CEP128: variants seen among roughly 807,000 people sequenced by gnomAD.
CEP128 encodes centrosomal protein 128.
Under a neutral mutation model 156.7 loss-of-function variants are expected in CEP128, and 132 were observed. The observed-to-expected ratio is 0.84, with a 90% CI of 0.73 to 0.97. The LOEUF (loss-of-function observed/expected upper bound fraction) is 0.97, where lower values mean the gene tolerates loss of function less well. CEP128 is among the 50% of genes least tolerant of loss of function. CEP128 has a pLI of 0.00. For missense variants in CEP128, 1,252 were observed against 1,281.9 expected, an observed-to-expected ratio of 0.98 and a Z score of 0.36; for synonymous variants, 469 against 448.9, an observed-to-expected ratio of 1.04 and a Z score of -0.57.
At chr14:80,613,261 C>T (rs1468162792) in intron 19 of CEP128, among the ~76,000 whole-genome samples, 1 of 150,492 alleles carries the variant, frequency 6.6e-6, no homozygotes, top group Non-Finnish European at 1.5e-5. Flanking sequence ...ACAACAACTG[C>T]CGTCCGCTCA....
At chr14:80,642,161 T>C (rs1166634249) in intron 19 of CEP128, among the ~76,000 whole-genome samples, 1 of 151,134 alleles carries the variant, frequency 6.6e-6, no homozygotes, top group Non-Finnish European at 1.5e-5. Context: ...TCCATCAGCC[T>C]ACAGACATTT....
intron 19 of CEP128, among the ~76,000 whole-genome samples, chr14:80,720,691 T>A (rs1443345778): frequency 6.6e-6 from 1 of 152,160 alleles, no homozygotes; most frequent in Non-Finnish European, 1.5e-5. Context: ...TCCAAATTCA[T>A]CAGCAGGTGC....
intron 9 of CEP128, among the ~76,000 whole-genome samples, chr14:80,859,063 C>T (rs2140146866): frequency 6.6e-6 from 1 of 151,116 alleles, no homozygotes; most frequent in South Asian, 2.1e-4. Context: ...ACCCAAAGGA[C>T]TATAAATCAT....
intron 9 of CEP128, among the ~76,000 whole-genome samples, chr14:80,853,893 C>G (rs1256741444): frequency 6.6e-6 from 1 of 151,306 alleles, no homozygotes; most frequent in East Asian, 2.0e-4. Flanking sequence ...TGGAAAGAAC[C>G]AATTTTTATT....
chr14:80,659,218 C>A (rs1417435240), intron 19 of CEP128, among the ~76,000 whole-genome samples: 3 of 152,050 alleles, frequency 2.0e-5, no homozygotes, highest in Admixed American at 2.0e-4. Context: ...GAAGAACATT[C>A]TAGAGAGAAA....
intron 18 of CEP128, among the ~76,000 whole-genome samples, chr14:80,749,237 A>C (rs1899263822): frequency 6.6e-6 from 1 of 152,194 alleles, no homozygotes; most frequent in South Asian, 2.1e-4. Context: ...TTTCTCAAAA[A>C]ACTAAAAATA....
At chr14:80,529,065 A>C (rs1028567814) in intron 22 of CEP128, among the ~76,000 whole-genome samples, 1 of 152,250 alleles carries the variant, frequency 6.6e-6, no homozygotes, top group African/African-American at 2.4e-5. Context: ...GCTGTTTTAC[A>C]CAGAATTAGA....
intron 19 of CEP128, among the ~76,000 whole-genome samples, chr14:80,733,169 C>T (rs1300256164): frequency 2.6e-5 from 4 of 152,144 alleles, no homozygotes; most frequent in South Asian, 2.1e-4. Flanking sequence ...CAAACTAGGA[C>T]ATCAATTCTC....
At chr14:80,888,254 G>A (rs59549907) in intron 8 of CEP128, among the ~76,000 whole-genome samples, 3,245 of 152,194 alleles carry the variant, frequency 0.021, 37 homozygotes, top group Middle Eastern at 0.068. Flanking sequence ...ATAGAAAAAA[G>A]GGGGACTCCT....
chr14:80,931,208 A>G (rs1185797966), intron 2 of CEP128, among the ~76,000 whole-genome samples: 1 of 152,242 alleles, frequency 6.6e-6, no homozygotes, highest in East Asian at 1.9e-4. Flanking sequence ...ACCTAACAGG[A>G]AAACCACATT....
intron 19 of CEP128, among the ~76,000 whole-genome samples, chr14:80,604,159 C>A (rs568821354): frequency 1.4e-4 from 22 of 152,134 alleles, no homozygotes; most frequent in Non-Finnish European, 2.8e-4. Context: ...CTTACAGTGC[C>A]CAGAGTCATG....
chr14:80,795,148 T>C (rs1475175543), intron 13 of CEP128, among the ~76,000 whole-genome samples: 2 of 152,182 alleles, frequency 1.3e-5, no homozygotes, highest in Non-Finnish European at 2.9e-5. Context: ...TATCAACCTA[T>C]TGCTAAACTT....
chr14:80,846,022 C>T (rs1403327679), intron 9 of CEP128, among the ~76,000 whole-genome samples: 1 of 152,130 alleles, frequency 6.6e-6, no homozygotes, highest in Admixed American at 6.6e-5. Context: ...TTTTCATCAT[C>T]GTCATAGCAT....
intron 8 of CEP128, among the ~76,000 whole-genome samples, chr14:80,878,115 G>C (rs924826632): frequency 1.3e-5 from 2 of 152,122 alleles, no homozygotes; most frequent in Non-Finnish European, 2.9e-5. Flanking sequence ...TCCCCCAGCA[G>C]GGACCCTGGT....
At chr14:80,556,867 T>C (rs1227506536) in intron 21 of CEP128, among the ~76,000 whole-genome samples, 1 of 152,176 alleles carries the variant, frequency 6.6e-6, no homozygotes, top group Admixed American at 6.5e-5. Flanking sequence ...GCATATTTGA[T>C]TTTATGAACT....
chr14:80,958,144 A>G (rs950674338), intron 2 of CEP128: 5 of 151,854 alleles, frequency 3.3e-5, no homozygotes, highest in Admixed American at 2.6e-4. Context: ...GAAGTAAAAC[A>G]TGTAAAGCTA....
downstream of CEP128, among the ~76,000 whole-genome samples, chr14:80,496,126 T>C (rs755768299): frequency 6.6e-5 from 10 of 152,182 alleles, no homozygotes; most frequent in Non-Finnish European, 1.2e-4. Flanking sequence ...TTTCATGTAA[T>C]TCCTGATGCC....
At chr14:80,955,738 G>A in intron 2 of CEP128, 1 of 1,614,174 alleles carries the variant, frequency 6.2e-7, no homozygotes, top group Non-Finnish European at 8.5e-7. Context: ...CAGGGACCTG[G>A]GCGGAATGGG....
At chr14:80,673,130 G>A (rs1475669535) in intron 19 of CEP128, among the ~76,000 whole-genome samples, 1 of 152,036 alleles carries the variant, frequency 6.6e-6, no homozygotes, top group Non-Finnish European at 1.5e-5. Context: ...AGGACCATTA[G>A]TAACAATAAC....
Sources: gnomAD v4.1 joint callset for allele counts (sites outside exome capture counted in the v4.1 genomes callset) on GRCh38, gnomAD v4.1.1 for gene constraint, MANE v1.5 for transcripts, NCBI Gene and HGNC (gene_info 2026-07-23, HGNC 2026-07-21) for gene names.